The following PLK3 variants were observed in gnomAD, a reference collection of about 807,000 sequenced individuals.
PLK3 encodes the protein serine/threonine-protein kinase PLK3.
In PLK3, 41 loss-of-function variants were observed where a neutral mutation model predicts 71.6. The ratio of observed to expected loss-of-function variants is 0.57; its 90% CI spans 0.45 to 0.74. The LOEUF (loss-of-function observed/expected upper bound fraction) is 0.74. Ranked by LOEUF, PLK3 falls within the 30% of genes least tolerant of loss-of-function variation. The probability of loss-of-function intolerance (pLI) is 0.00; values close to 1 mark genes in which losing one functional copy is unlikely to be tolerated. For missense variants in PLK3, 791 were observed against 875.6 expected, an observed-to-expected ratio of 0.90 and a Z score of 1.22; for synonymous variants, 366 against 355.4, an observed-to-expected ratio of 1.03 and a Z score of -0.33.
Position 44,804,402 on chromosome 1 carries a change from A to C in PLK3, c.1406A>C (p.Asp469Ala). The C allele has an allele frequency of 6.2e-7, 1 of 1,614,144 alleles. No homozygotes were observed. The highest frequency in any genetic ancestry group is 8.5e-7 in the Non-Finnish European group (1 of 1,180,004). Reference protein sequence around the residue: ...EPLVWVSKWVDYSNKFGFGYQ... With the variant: ...EPLVWVSKWVAYSNKFGFGYQ... ...CTGGTGTGGGTCAGCAAGTGGGTTG[A>C]CTACTCCAATAAGTTCGGCTTTGGG... Residue 469 changes from aspartate (D) to alanine (A), a missense_variant, in exon 12 of 15, where the codon GAC (aspartate) becomes GCC (alanine). Physicochemically the swap from Asp to Ala is moderately radical, Grantham distance 126. Coordinates refer to ENST00000372201, the MANE Select transcript of PLK3 (RefSeq NM_004073.4).
intron 3 of PLK3, 51 bp downstream of exon 3, chr1:44,801,203 CTTTTTTTTTTTT>C (rs34463102): frequency 8.7e-6 from 3 of 344,796 alleles, no homozygotes; most frequent in East Asian, 5.3e-5. Context: ...AGAAGACAGT[CTTTTTTTTTTTT>C]TTTTTTTTTT....
intron 13 of PLK3, 106 bp from the exon 14 acceptor site, chr1:44,805,160 C>A (rs2148857027): frequency 1.3e-6 from 1 of 766,374 alleles, no homozygotes; most frequent in East Asian, 2.5e-5. Context: ...TCTGATTCCC[C>A]CTTGGTGGTG....
rs983474411 is a variant in PLK3 at position 44,800,861 on chromosome 1, G to A, written c.232G>A (p.Glu78Lys). The change falls in exon 2 of 15, where the codon GAG becomes AAG. Residue 78 changes from glutamate (E) to lysine (K), a missense_variant. Transcript: ENST00000372201. The surrounding 1 kb of genome is among the most constrained non-coding windows in gnomAD (Gnocchi z 6.5). Reference protein sequence around the residue: ...LGKGGFARCYEATDTETGSAY... With the variant: ...LGKGGFARCYKATDTETGSAY... ...ACAGGGGGGCTTCGCCCGCTGCTAC[G>A]AGGCCACTGACACAGAGACTGGCAG... is the stretch of plus-strand genomic sequence containing the variant. The A allele has an allele frequency of 2.5e-6, 4 of 1,611,094 alleles. No homozygotes were observed. In the African/African-American group the frequency reaches 4.0e-5, roughly 16 times the overall value.
At chr1:44,801,001 C>T in intron 2 of PLK3, 35 bp from the exon 3 acceptor site, 1 of 1,607,444 alleles carries the variant, frequency 6.2e-7, no homozygotes, top group Non-Finnish European at 8.5e-7. Flanking sequence ...GCATGGGAAC[C>T]ATGGAAGGAT....
At position 44,800,991 on chromosome 1, in the gene PLK3, G is replaced by A; in HGVS notation, c.318+44G>A. 6 of 1,607,798 alleles carry A rather than the reference G, an allele frequency of 3.7e-6. No individual in the cohort carries two copies. Among genetic ancestry groups the A allele is most frequent in the Non-Finnish European group, 5.1e-6 (6 of 1,174,806 alleles). On this transcript the variant is annotated intron_variant, in intron 2 of 14. Transcript: ENST00000372201. The surrounding 1 kb of genome is among the most constrained non-coding windows in gnomAD (Gnocchi z 6.5). The stretch of plus-strand genomic sequence containing the variant: ...GGCGAGGGGTGGGGTGGGGACGGTG[G>A]CATGGGAACCATGGAAGGATGACGA...
chr1:44,804,224 T>C lies in PLK3; in HGVS notation c.1320T>C (p.Asn440=), dbSNP rs575447933. 31 of 1,613,862 alleles carry C rather than the reference T, an allele frequency of 1.9e-5. No individual in the cohort carries two copies. The highest frequency in any genetic ancestry group is 1.2e-4 in the African/African-American group (9 of 74,974). ...AGTCAGCCCTTTGTGCTCTGAGAAATTGTATAGCCTTCATGCCCCCAGGTA... is the reference window on the plus strand; with the variant it reads ...AGTCAGCCCTTTGTGCTCTGAGAAACTGTATAGCCTTCATGCCCCCAGGTA... ...VVESALCALR[N]CIAFMPPAEQ... Residue 440 remains asparagine, a synonymous_variant, in exon 11 of 15, where the codon AAT becomes AAC. Transcript: ENST00000372201.
At chr1:44,802,026 G>C (rs3795716) in intron 5 of PLK3, 94 bp downstream of exon 5, 11,131 of 897,808 alleles carry the variant, frequency 0.012, 137 homozygotes, top group East Asian at 0.046. Flanking sequence ...ACTGCCTGAT[G>C]TGTGCATGAG....
intron 12 of PLK3, 63 bp downstream of exon 12, chr1:44,804,564 G>A: frequency 6.2e-7 from 1 of 1,605,196 alleles, no homozygotes; most frequent in Non-Finnish European, 8.5e-7. Flanking sequence ...GCACCCTCGT[G>A]AGTGCTCCTG....
rs138312429 is a variant in PLK3 at position 44,804,339 on chromosome 1, C to T, written c.1343C>T (p.Ala448Val). The T allele has an allele frequency of 1.1e-4, 174 of 1,613,850 alleles. No homozygotes were observed. The highest frequency in any genetic ancestry group is 1.3e-4 in the Non-Finnish European group (149 of 1,179,924). ...CTGACTCCCTCCTCTCCCATGACAG[C>T]GGAACAGAACCCGGCCCCCCTGGCC... ...LRNCIAFMPP[A>V]EQNPAPLAQP... The change falls in exon 12 of 15, where the codon GCG becomes GTG. Residue 448 changes from alanine to valine, a missense_variant and splice_region_variant. Ala to Val is a moderately conservative substitution (Grantham distance 64, BLOSUM62 0). Coordinates refer to ENST00000372201, the MANE Select transcript of PLK3 (RefSeq NM_004073.4).
chr1:44,803,880 G>T lies in PLK3; in HGVS notation c.1165-51G>T, dbSNP rs1465351752. ...GGCAGGGCCAGGCCATGGACTCAAG[G>T]GTTTGGATTTTGGGGCCTGTGTCAC... On this transcript the variant is annotated intron_variant, in intron 9 of 14. Coordinates refer to ENST00000372201, the MANE Select transcript of PLK3 (RefSeq NM_004073.4). This position sits in a 1 kb window ranked among gnomAD's most constrained non-coding sequence, Gnocchi z 4.3. The T allele has an allele frequency of 1.2e-5, 17 of 1,378,046 alleles. No homozygotes were observed. The Admixed American group carries it at 3.4e-4, about 27-fold the overall frequency. 85.4% of individuals were successfully genotyped at this position (1,378,046 alleles called of 1,614,324 possible).
intron 10 of PLK3, 43 bp from the exon 11 acceptor site, chr1:44,804,120 C>T (rs775085839): frequency 2.5e-5 from 39 of 1,581,518 alleles, no homozygotes; most frequent in Non-Finnish European, 3.4e-5. Context: ...GGCCTGGGTC[C>T]TGGGGTGCTA....
At chr1:44,801,802 G>A in intron 4 of PLK3, 43 bp from the exon 5 acceptor site, 1 of 1,604,288 alleles carries the variant, frequency 6.2e-7, no homozygotes, top group Non-Finnish European at 8.5e-7. Flanking sequence ...AGGGAGGGAG[G>A]GAGGAAGGAA....
rs1573612410 is a variant in PLK3, at chr1:44,803,156, C to G, written c.948+3C>G. 6.2e-7 allele frequency: 1 copy of G among 1,613,896 alleles called. No individual in the cohort carries two copies. The highest frequency in any genetic ancestry group is 2.2e-5 in the East Asian group (1 of 44,884). ...TGCGCCATGACTTCTTTACCAAGGT[C>G]TGTGGCTCCCCAGACCTCTAAGTCC... On this transcript the variant is annotated splice_donor_region_variant and intron_variant, in intron 7 of 14. Transcript: ENST00000372201. This position sits in a 1 kb window ranked among gnomAD's most constrained non-coding sequence, Gnocchi z 4.3.
intron 12 of PLK3, 23 bp downstream of exon 12, chr1:44,804,524 T>TTGTA (rs1159662291): frequency 1.9e-6 from 3 of 1,612,632 alleles, no homozygotes; most frequent in Non-Finnish European, 2.5e-6. Flanking sequence ...ATGGGGTGCC[T>TTGTA]TGTATTCAGG....
chr1:44,801,931 A>AAGTG lies in PLK3; in HGVS notation c.653+3_653+6dup. 1 of 1,611,246 alleles carries AAGTG rather than the reference A, an allele frequency of 6.2e-7. No homozygotes were observed. Among genetic ancestry groups the AAGTG allele is most frequent in the Non-Finnish European group, 8.5e-7 (1 of 1,178,206 alleles). ...GTTGGAGCCTCCGGAGCAGAGGAAG[A>AAGTG]AGTGAGTTTTGAGGAAAGGGGCCCT... On this transcript the variant is annotated stop_gained and frameshift_variant and splice_region_variant, in exon 5 of 15. Transcript: ENST00000372201. LOFTEE classifies it high-confidence loss of function.
Position 44,803,218 on chromosome 1 carries a change from A to T in PLK3, c.949-50A>T. 1 of 1,611,864 alleles carries T rather than the reference A, an allele frequency of 6.2e-7. No individual in the cohort carries two copies. Among genetic ancestry groups the T allele is most frequent in the Non-Finnish European group, 8.5e-7 (1 of 1,178,178 alleles). On this transcript the variant is annotated intron_variant, in intron 7 of 14. Transcript: ENST00000372201. The surrounding 1 kb of genome is among the most constrained non-coding windows in gnomAD (Gnocchi z 4.3). ...CCCAGGGATTGAAAGGGGGCAGGTG[A>T]CAGGACCCCTGGAGCCTCTCTTCTC...
At position 44,804,193 on chromosome 1, in the gene PLK3, TAGTGG is replaced by T; in HGVS notation, c.1293_1297del (p.Glu432SerfsTer36). On this transcript the variant is annotated frameshift_variant, in exon 11 of 15. Transcript: ENST00000372201. LOFTEE classifies it high-confidence loss of function. ...GAAGAAGGTCTGACTGTGGCCACAG[TAGTGG>T]AGTCAGCCCTTTGTGCTCTGAGAAA... The T allele has an allele frequency of 6.2e-7, 1 of 1,613,768 alleles. No homozygotes were observed. The highest frequency in any genetic ancestry group is 1.1e-5 in the South Asian group (1 of 91,074).
At chr1:44,802,554 G>A (rs940467074) in intron 5 of PLK3, among the ~76,000 whole-genome samples, 2 of 152,094 alleles carry the variant, frequency 1.3e-5, no homozygotes, top group African/African-American at 4.8e-5. Flanking sequence ...CCCTCCCCCT[G>A]TCATGAAGAG....
At position 44,803,634 on chromosome 1, in the gene PLK3, C is replaced by T. The variant is rs149513425; in HGVS notation, c.1107C>T (p.Ser369=). The change falls in exon 9 of 15, where the codon TCC becomes TCT. Residue 369 remains serine (S), a synonymous_variant. Coordinates refer to ENST00000372201, the MANE Select transcript of PLK3 (RefSeq NM_004073.4). This position sits in a 1 kb window ranked among gnomAD's most constrained non-coding sequence, Gnocchi z 4.3. ...ATGCCCAGGAGAGGGATGAGGTCTC[C>T]GGTTTGGTGAGCGGCCTCATGCGCA... ...KNHAQERDEV[S]GLVSGLMRTS... The T allele has an allele frequency of 1.0e-4, 169 of 1,614,000 alleles. 2 individuals carry two copies. In the Admixed American group the frequency reaches 1.8e-3, roughly 17 times the overall value.
Sources: gnomAD v4.1 joint callset for allele counts (sites outside exome capture counted in the v4.1 genomes callset) on GRCh38, gnomAD v4.1.1 for gene constraint, Gnocchi (gnomAD v3.1) non-coding constraint, MANE v1.5 for transcripts, NCBI Gene and HGNC (gene_info 2026-07-23, HGNC 2026-07-21) for gene names.